AGBL3: variants seen among roughly 807,000 people sequenced by gnomAD.
AGBL3 encodes cytosolic carboxypeptidase 3.
Under a neutral mutation model 94.5 loss-of-function variants are expected in AGBL3, and 68 were observed. The observed-to-expected ratio is 0.72, with a 90% CI of 0.59 to 0.88. AGBL3 has a LOEUF of 0.88. AGBL3 is among the 40% of genes least tolerant of loss of function. The pLI, the probability that AGBL3 is intolerant of heterozygous loss-of-function variation, is 0.00. For missense variants in AGBL3, 934 were observed against 1,103.8 expected (o/e 0.85, Z 2.18); for synonymous variants, 354 against 370.7 (o/e 0.95, Z 0.52).
At chr7:135,012,860 A>G (rs1207249901) in intron 4 of AGBL3, among the ~76,000 whole-genome samples, 1 of 152,160 alleles carries the variant, frequency 6.6e-6, no homozygotes, top group Non-Finnish European at 1.5e-5. Flanking sequence ...GAAAACATGG[A>G]ACGATATCTC....
At chr7:135,094,332 C>G in intron 15 of AGBL3, 1 of 456,268 alleles carries the variant, frequency 2.2e-6, no homozygotes. Flanking sequence ...ACCCTGAAAT[C>G]TGAAGAGACA....
intron 15 of AGBL3, chr7:135,094,450 G>A: frequency 2.2e-6 from 1 of 456,682 alleles, no homozygotes; most frequent in Non-Finnish European, 4.4e-6. Flanking sequence ...ATTGCCAGAG[G>A]CTGAGTGCGC....
intron 11 of AGBL3, among the ~76,000 whole-genome samples, chr7:135,048,143 T>G (rs577464960): frequency 6.6e-6 from 1 of 152,068 alleles, no homozygotes; most frequent in South Asian, 2.1e-4. Flanking sequence ...GGCACCCGTA[T>G]TGAAGATTAT....
intron 13 of AGBL3, 94 bp downstream of exon 13, chr7:135,076,562 TC>T (rs1227259247): frequency 1.0e-5 from 10 of 983,122 alleles, no homozygotes; most frequent in Non-Finnish European, 1.5e-5. Flanking sequence ...ACCCGAATTT[TC>T]CCCCAGGAGA....
At chr7:135,015,730 A>G (rs939823261) in intron 4 of AGBL3, among the ~76,000 whole-genome samples, 2 of 151,910 alleles carry the variant, frequency 1.3e-5, no homozygotes, top group African/African-American at 2.4e-5. Flanking sequence ...ATCAGCATAC[A>G]CAGGCCGGGC....
At chr7:135,027,194 C>A (rs901697658) in intron 5 of AGBL3, among the ~76,000 whole-genome samples, 1 of 151,244 alleles carries the variant, frequency 6.6e-6, no homozygotes, top group Non-Finnish European at 1.5e-5. Flanking sequence ...GACTAGGGTG[C>A]GCACCACCAT....
At chr7:135,096,691 C>A (rs1388494759) in intron 15 of AGBL3, among the ~76,000 whole-genome samples, 1 of 105,824 alleles carries the variant, frequency 9.4e-6, no homozygotes, top group Non-Finnish European at 2.0e-5. Context: ...TAGAACATCA[C>A]CAAAAAAGAA....
rs545085947 is a variant in AGBL3, at chr7:135,000,262, T to C, written c.310+6584T>C. Among the ~76,000 whole-genome samples the C allele has an allele frequency of 2.0e-3, 302 of 152,340 alleles. 1 individual carries two copies. The highest frequency in any genetic ancestry group is 6.9e-3 in the African/African-American group (286 of 41,570). On this transcript the variant is annotated intron_variant, in intron 4 of 16. Transcript: ENST00000436302. ...TTGACTGGGCCACGGGATGCCCAGATAGCTGGTAAAACATTATTTCTGGAT... is the reference window on the plus strand; with the variant it reads ...TTGACTGGGCCACGGGATGCCCAGACAGCTGGTAAAACATTATTTCTGGAT...
At chr7:135,066,673 A>G (rs1475684205) in intron 12 of AGBL3, among the ~76,000 whole-genome samples, 1 of 152,244 alleles carries the variant, frequency 6.6e-6, no homozygotes. Context: ...TCCCATGTTT[A>G]TTGCAGTACT....
chr7:135,075,539 T>C (rs1033775771), intron 12 of AGBL3, among the ~76,000 whole-genome samples: 2 of 152,210 alleles, frequency 1.3e-5, no homozygotes, highest in African/African-American at 4.8e-5. Context: ...ATAACATTAG[T>C]GTACAGGTTT....
intron 10 of AGBL3, 100 bp downstream of exon 10, chr7:135,045,674 G>A (rs1323591330): frequency 1.5e-6 from 2 of 1,313,266 alleles, no homozygotes; most frequent in African/African-American, 1.5e-5. Context: ...TGTCCCAACA[G>A]TGTTGTTGGG....
Position 135,135,347 on chromosome 7 carries a change from T to C in AGBL3, c.*86T>C. ...AAGAAAAAAAGGAAAGCCCTCCCCTTCCCCTTTCCCTATCTCTCCCCTTAC... is the reference window on the plus strand; with the variant it reads ...AAGAAAAAAAGGAAAGCCCTCCCCTCCCCCTTTCCCTATCTCTCCCCTTAC... On this transcript the variant is annotated 3_prime_UTR_variant, in exon 17 of 17. Coordinates refer to ENST00000436302, the MANE Select transcript of AGBL3 (RefSeq NM_178563.4). 8.2e-7 allele frequency: 1 copy of C among 1,221,454 alleles called. No homozygotes were observed. Among genetic ancestry groups the C allele is most frequent in the East Asian group, 2.6e-5 (1 of 38,388 alleles). 75.7% of individuals were successfully genotyped at this position (1,221,454 alleles called of 1,614,324 possible).
At chr7:135,038,017 T>C (rs910457435) in intron 8 of AGBL3, among the ~76,000 whole-genome samples, 1 of 152,068 alleles carries the variant, frequency 6.6e-6, no homozygotes, top group Non-Finnish European at 1.5e-5. Flanking sequence ...CAATAACCAA[T>C]ATTTTTAAAA....
chr7:135,115,401 G>A lies in AGBL3; in HGVS notation c.2132G>A (p.Ser711Asn). ...QGLDLHHNLK[S>N]KIKECISFQS... Reference sequence around the variant, plus strand: ...CCAGATCTGCACCACAACTTAAAAAGCAAAATAAAAGAATGCATATCTTTC... The same window carrying A: ...CCAGATCTGCACCACAACTTAAAAAACAAAATAAAAGAATGCATATCTTTC... Residue 711 changes from serine to asparagine, a missense_variant, in exon 16 of 17, where the codon AGC (serine) becomes AAC (asparagine). Ser to Asn is a conservative substitution (Grantham distance 46, BLOSUM62 1). Coordinates refer to ENST00000436302, the MANE Select transcript of AGBL3 (RefSeq NM_178563.4). 2 of 1,550,572 alleles carry A rather than the reference G, an allele frequency of 1.3e-6. No individual in the cohort carries two copies. Among genetic ancestry groups the A allele is most frequent in the Non-Finnish European group, 1.7e-6 (2 of 1,146,522 alleles).
intron 14 of AGBL3, among the ~76,000 whole-genome samples, 156 bp downstream of exon 14, chr7:135,080,416 C>T (rs1462450758): frequency 6.6e-6 from 1 of 152,176 alleles, no homozygotes; most frequent in Non-Finnish European, 1.5e-5. Flanking sequence ...ATCCTTTAAT[C>T]AGGAAAGAAA....
At chr7:135,046,531 T>A (rs938665645) in intron 11 of AGBL3, among the ~76,000 whole-genome samples, 4 of 152,132 alleles carry the variant, frequency 2.6e-5, no homozygotes, top group Admixed American at 2.6e-4. Flanking sequence ...GTCTCCATAG[T>A]TTTGCCTTTT....
At chr7:135,096,795 A>G (rs367896189) in intron 15 of AGBL3, among the ~76,000 whole-genome samples, 3 of 123,540 alleles carry the variant, frequency 2.4e-5, no homozygotes, top group South Asian at 2.6e-4. Flanking sequence ...AAGAAAGAAA[A>G]AGGGAAGAAG....
At chr7:134,990,701 A>G (rs1563159020) in intron 3 of AGBL3, among the ~76,000 whole-genome samples, 1 of 152,212 alleles carries the variant, frequency 6.6e-6, no homozygotes, top group Non-Finnish European at 1.5e-5. Flanking sequence ...TTGCATTCCC[A>G]GCAATGTGTT....
chr7:135,004,918 A>C lies in AGBL3; in HGVS notation c.310+11240A>C, dbSNP rs181483527. ...TAAATTTTTTTTATAAATCGGATTT[A>C]TTTAGATTTATTTTGTTCTTTATTT... On this transcript the variant is annotated intron_variant, in intron 4 of 16. Transcript: ENST00000436302. Among the ~76,000 whole-genome samples the C allele has an allele frequency of 4.0e-5, 6 of 151,490 alleles. 1 individual carries two copies. Among genetic ancestry groups the C allele is most frequent in the Admixed American group, 2.0e-4 (3 of 15,218 alleles).
Sources: gnomAD v4.1 joint callset for allele counts (sites outside exome capture counted in the v4.1 genomes callset) on GRCh38, gnomAD v4.1.1 for gene constraint, MANE v1.5 for transcripts, NCBI Gene and HGNC (gene_info 2026-07-23, HGNC 2026-07-21) for gene names.